The following RIPK1 variants were observed in gnomAD, a reference collection of about 807,000 sequenced individuals.
RIPK1 encodes receptor interacting serine/threonine kinase 1.
A neutral mutation model predicts 62.4 loss-of-function variants in RIPK1; 27 were observed. The ratio of observed to expected loss-of-function variants is 0.43; its 90% confidence interval spans 0.32 to 0.60. The LOEUF (loss-of-function observed/expected upper bound fraction) is 0.60, where lower values mean the gene tolerates loss of function less well. RIPK1 is among the 20% of genes least tolerant of loss of function. RIPK1 has a pLI of 0.07. For missense variants in RIPK1, 735 were observed against 831.0 expected (o/e 0.88, Z 1.42); for synonymous variants, 287 against 303.2 (o/e 0.95, Z 0.55).
upstream of RIPK1, among the ~76,000 whole-genome samples, chr6:3,064,737 C>G (rs1032510123): frequency 2.0e-5 from 3 of 152,116 alleles, no homozygotes; most frequent in African/African-American, 4.8e-5. Context: ...TGGAATTAAT[C>G]CCGTGATGGA....
intron 2 of RIPK1, 24 bp from the exon 3 acceptor site, chr6:3,077,755 G>T: frequency 6.2e-7 from 1 of 1,613,296 alleles, no homozygotes; most frequent in Non-Finnish European, 8.5e-7. Flanking sequence ...GCCAGCCTCA[G>T]CATAGCACCT....
chr6:3,096,878 G>GTTTT (rs1416097767), intron 7 of RIPK1, among the ~76,000 whole-genome samples: 2 of 149,546 alleles, frequency 1.3e-5, no homozygotes, highest in African/African-American at 4.9e-5. Context: ...GTTTTGTTTT[G>GTTTT]TTTTGTTTTT....
intron 7 of RIPK1, among the ~76,000 whole-genome samples, chr6:3,098,763 CCA>C (rs1561768863): frequency 6.6e-6 from 1 of 152,126 alleles, no homozygotes; most frequent in Non-Finnish European, 1.5e-5. Flanking sequence ...CCAGAAGCAG[CCA>C]CTGAGTTGGA....
chr6:3,107,313 T>C (rs1004244114), intron 9 of RIPK1, among the ~76,000 whole-genome samples: 1 of 149,878 alleles, frequency 6.7e-6, no homozygotes, highest in African/African-American at 2.5e-5. Context: ...TTCCAGCACT[T>C]TGGGAGGCCG....
intron 7 of RIPK1, among the ~76,000 whole-genome samples, chr6:3,094,606 A>T (rs1354832901): frequency 6.7e-6 from 1 of 148,888 alleles, no homozygotes; most frequent in Non-Finnish European, 1.5e-5. Flanking sequence ...TATATGAAGA[A>T]AGGCTGAAAA....
At chr6:3,074,372 A>T (rs758887520) in intron 1 of RIPK1, among the ~76,000 whole-genome samples, 2 of 152,214 alleles carry the variant, frequency 1.3e-5, no homozygotes, top group African/African-American at 4.8e-5. Context: ...GTGTATCAGT[A>T]GTTCATTTTT....
rs113486531 is a variant in RIPK1 at position 3,101,498 on chromosome 6, T to C, written c.916-2727T>C. On this transcript the variant is annotated intron_variant, in intron 7 of 10. Transcript: ENST00000259808. ...GAGACAAAAACAATATATAGAATGC[T>C]ACAAAGTGTGAACATAATTAATACC... Among the ~76,000 whole-genome samples, 802 of 152,266 alleles carry C rather than the reference T, an allele frequency of 5.3e-3. 7 individuals are homozygous for C. Among genetic ancestry groups the C allele is most frequent in the African/African-American group, 0.019 (785 of 41,530 alleles).
intron 7 of RIPK1, among the ~76,000 whole-genome samples, chr6:3,101,162 C>T (rs1311309436): frequency 6.6e-6 from 1 of 152,144 alleles, no homozygotes; most frequent in East Asian, 1.9e-4. Context: ...CCTGTTGTCC[C>T]AGCTACACAG....
Position 3,114,874 on chromosome 6 carries a change from C to T in RIPK1, c.*1535C>T, listed in dbSNP as rs1182030443. ...AGTCTCTAAACATTGTCAAATGGTCCAAGGAAAGGGGAAAATTGCCCCGGT... is the reference window on the plus strand; with the variant it reads ...AGTCTCTAAACATTGTCAAATGGTCTAAGGAAAGGGGAAAATTGCCCCGGT... On this transcript the variant is annotated 3_prime_UTR_variant, in exon 11 of 11. Transcript: ENST00000259808. This position sits in a 1 kb window ranked among gnomAD's most constrained non-coding sequence, Gnocchi z 5.0. 6.6e-6 allele frequency: 1 copy of T among 151,682 alleles called. No homozygotes were observed. The highest frequency in any genetic ancestry group is 1.5e-5 in the Non-Finnish European group (1 of 67,974). The allele number at this position is 151,682 out of a possible 1,614,324, so 9.4% of individuals were successfully genotyped here.
At position 3,072,470 on chromosome 6, in the gene RIPK1, A is replaced by C. The variant is rs1490155787; in HGVS notation, c.-61+3809A>C. Among the ~76,000 whole-genome samples the C allele has an allele frequency of 6.6e-6, 1 of 152,190 alleles. No homozygotes were observed. ...TCGTCAAAAACAATTTTGAATGGCT[A>C]TATAATATTCTGTTAGGAGTGTGCC... On this transcript the variant is annotated intron_variant, in intron 1 of 10. Transcript: ENST00000259808. The surrounding 1 kb of genome is among the most constrained non-coding windows in gnomAD (Gnocchi z 5.6).
At chr6:3,064,481 C>G (rs140870768), upstream of RIPK1, among the ~76,000 whole-genome samples, 9 of 152,338 alleles carry the variant, frequency 5.9e-5, no homozygotes, top group African/African-American at 2.2e-4. Flanking sequence ...CATTCTAATT[C>G]TTTCAGTAAC....
intron 7 of RIPK1, among the ~76,000 whole-genome samples, chr6:3,103,199 T>C (rs1009868101): frequency 6.6e-6 from 1 of 152,142 alleles, no homozygotes. Flanking sequence ...TGTTTGTTTT[T>C]TGTTGTTGAG....
At chr6:3,095,959 CT>C (rs1760269358) in intron 7 of RIPK1, among the ~76,000 whole-genome samples, 6 of 151,312 alleles carry the variant, frequency 4.0e-5, no homozygotes, top group Admixed American at 6.6e-5. Context: ...ATCCTCTCAC[CT>C]CAGCCCCCTG....
chr6:3,075,018 C>T (rs989832208), intron 1 of RIPK1, among the ~76,000 whole-genome samples: 3 of 152,200 alleles, frequency 2.0e-5, no homozygotes, highest in Non-Finnish European at 4.4e-5. Context: ...CATCCATAGC[C>T]CTCCTTTTAC....
chr6:3,075,210 G>A (rs898469215), intron 1 of RIPK1, among the ~76,000 whole-genome samples: 1 of 152,210 alleles, frequency 6.6e-6, no homozygotes, highest in Non-Finnish European at 1.5e-5. Flanking sequence ...TCACATGTTT[G>A]CCAGTGTTTG....
chr6:3,096,810 C>T (rs1434653724), intron 7 of RIPK1, among the ~76,000 whole-genome samples: 1 of 151,758 alleles, frequency 6.6e-6, no homozygotes, highest in African/African-American at 2.4e-5. Flanking sequence ...CTGCCCGTCT[C>T]AGCCTCCCAG....
chr6:3,106,111 AC>A (rs2113696946), intron 9 of RIPK1, 60 bp downstream of exon 9: 3 of 1,229,582 alleles, frequency 2.4e-6, no homozygotes, highest in Middle Eastern at 3.9e-4. Flanking sequence ...AAATACAGCA[AC>A]CAAGCAGCTC....
chr6:3,081,061 T>A lies in RIPK1; in HGVS notation c.404T>A (p.Ile135Lys). The A allele has an allele frequency of 6.2e-7, 1 of 1,614,216 alleles. No homozygotes were observed. Among genetic ancestry groups the A allele is most frequent in the Non-Finnish European group, 8.5e-7 (1 of 1,180,016 alleles). The change falls in exon 4 of 11, where the codon ATA (isoleucine) becomes AAA (lysine). Residue 135 changes from isoleucine (I) to lysine (K), a missense_variant. Around this residue, in one of 2 missense-constraint regions of RIPK1, gnomAD observed 671 missense variants for 726.2 expected, o/e 0.92. Transcript: ENST00000259808. Reference protein sequence around the residue: ...GMCYLHGKGVIHKDLKPENIL... With the variant: ...GMCYLHGKGVKHKDLKPENIL... The stretch of plus-strand genomic sequence containing the variant: ...TGCTACTTACATGGAAAAGGCGTGA[T>A]ACACAAGGACCTGAAGCCTGAAAAT...
rs1235253820 is a variant in RIPK1 at position 3,105,749 on chromosome 6, CT to C, written c.1276del (p.Tyr426ThrfsTer86). The C allele has an allele frequency of 6.2e-7, 1 of 1,614,196 alleles. No individual in the cohort carries two copies. The highest frequency in any genetic ancestry group is 8.5e-7 in the Non-Finnish European group (1 of 1,180,042). On this transcript the variant is annotated frameshift_variant, in exon 9 of 11. Transcript: ENST00000259808. LOFTEE classifies it high-confidence loss of function. This position sits in a 1 kb window ranked among gnomAD's most constrained non-coding sequence, Gnocchi z 4.5. ...VSHDPFAQQR[P>X]YENFQNTEGK... ...CATGACCCTTTTGCACAGCAAAGAC[CT>C]TACGAGAATTTTCAGAATACAGAGG...
Sources: allele counts gnomAD v4.1 joint callset (sites outside exome capture counted in the v4.1 genomes callset), GRCh38; gene constraint gnomAD v4.1.1; regional missense constraint gnomAD v4.1.1; non-coding constraint Gnocchi (gnomAD v3.1); transcripts MANE v1.5; gene names NCBI Gene and HGNC (gene_info 2026-07-23, HGNC 2026-07-21).